The following FTO variants were observed in gnomAD, a reference collection of about 807,000 sequenced individuals.
FTO encodes alpha-ketoglutarate-dependent dioxygenase FTO.
FTO carries 47 observed loss-of-function variants against 63.9 expected under a neutral mutation model. The observed-to-expected ratio is 0.74, with a 90% CI of 0.58 to 0.94. The LOEUF is 0.94. Ranked by LOEUF, FTO falls within the 40% of genes least tolerant of loss-of-function variation. The probability of loss-of-function intolerance (pLI) is 0.00; values close to 1 mark genes in which losing one functional copy is unlikely to be tolerated. For synonymous variants in FTO, 207 were observed against 224.4 expected, an observed-to-expected ratio of 0.92 and a Z score of 0.69; for missense variants, 562 against 618.1, an observed-to-expected ratio of 0.91 and a Z score of 0.96.
At chr16:53,838,058 C>T (rs1211187881) in intron 3 of FTO, among the ~76,000 whole-genome samples, 1 of 152,200 alleles carries the variant, frequency 6.6e-6, no homozygotes, top group Non-Finnish European at 1.5e-5. Flanking sequence ...AATGTGCCTT[C>T]CCTATGTCAC....
intron 7 of FTO, among the ~76,000 whole-genome samples, chr16:53,912,993 C>T (rs1485309155): frequency 2.0e-5 from 3 of 152,178 alleles, no homozygotes; most frequent in Non-Finnish European, 2.9e-5. Context: ...TTCTGTGTGA[C>T]TTATAATTAT....
chr16:54,106,557 ATAAT>A (rs2086756077), intron 8 of FTO, among the ~76,000 whole-genome samples: 2 of 142,330 alleles, frequency 1.4e-5, no homozygotes, highest in South Asian at 4.3e-4. Flanking sequence ...AATATTAGAT[ATAAT>A]TATTCTATAT....
intron 8 of FTO, among the ~76,000 whole-genome samples, chr16:54,014,994 T>C (rs1567517500): frequency 6.6e-6 from 1 of 151,062 alleles, no homozygotes. Context: ...TAGCTAGGAC[T>C]ATAGGTACAC....
intron 1 of FTO, among the ~76,000 whole-genome samples, chr16:53,798,942 G>A (rs2078149534): frequency 6.6e-6 from 1 of 152,120 alleles, no homozygotes; most frequent in Non-Finnish European, 1.5e-5. Flanking sequence ...GTTTATCAGG[G>A]TCATTGTTGG....
At chr16:53,742,827 T>G (rs1409005209) in intron 1 of FTO, among the ~76,000 whole-genome samples, 1 of 152,200 alleles carries the variant, frequency 6.6e-6, no homozygotes, top group Non-Finnish European at 1.5e-5. Context: ...GAAGGAGCGC[T>G]TTCCACTAGT....
intron 8 of FTO, among the ~76,000 whole-genome samples, chr16:53,953,058 G>T (rs1340035362): frequency 6.6e-6 from 1 of 152,198 alleles, no homozygotes; most frequent in African/African-American, 2.4e-5. Context: ...CTCCCCACGG[G>T]CCTAGAGTCA....
At chr16:53,758,038 T>G (rs923879814) in intron 1 of FTO, among the ~76,000 whole-genome samples, 2 of 152,218 alleles carry the variant, frequency 1.3e-5, no homozygotes, top group African/African-American at 2.4e-5. Context: ...TCAAGGACGT[T>G]TTCCTTTTGT....
At chr16:53,739,457 G>T (rs924426877) in intron 1 of FTO, among the ~76,000 whole-genome samples, 1 of 149,190 alleles carries the variant, frequency 6.7e-6, no homozygotes, top group African/African-American at 2.5e-5. Flanking sequence ...CTTGTGATCC[G>T]CCCGCCTTGG....
chr16:54,059,842 G>A (rs183710026), intron 8 of FTO, among the ~76,000 whole-genome samples: 138 of 152,212 alleles, frequency 9.1e-4, no homozygotes, highest in Non-Finnish European at 1.0e-3. Context: ...GTACTAATGA[G>A]CATCGGGCTT....
intron 7 of FTO, among the ~76,000 whole-genome samples, chr16:53,894,339 G>A (rs1343713409): frequency 6.6e-6 from 1 of 152,134 alleles, no homozygotes; most frequent in Non-Finnish European, 1.5e-5. Context: ...ATAGTCATAG[G>A]GAATGACTGA....
intron 8 of FTO, among the ~76,000 whole-genome samples, chr16:54,001,105 C>G (rs1163912254): frequency 6.6e-6 from 1 of 152,160 alleles, no homozygotes; most frequent in African/African-American, 2.4e-5. Context: ...TCTTAAGTCT[C>G]TTTATCAGTT....
rs965880447 is a variant in FTO at position 53,758,548 on chromosome 16, G to A, written c.46-51592G>A. 5.3e-5 allele frequency among the ~76,000 whole-genome samples: 8 copies of A among 152,072 alleles called. No individual in the cohort carries two copies. The East Asian group carries it at 5.8e-4, about 11-fold the overall frequency. The stretch of plus-strand genomic sequence containing the variant: ...AAGACGGCCAGGTTTCCATCATATC[G>A]CTCTGTAGTGAGGCCCACCAGTTGA... On this transcript the variant is annotated intron_variant, in intron 1 of 8. Transcript: ENST00000471389.
At chr16:53,920,574 G>C (rs1341579802) in intron 7 of FTO, among the ~76,000 whole-genome samples, 1 of 152,076 alleles carries the variant, frequency 6.6e-6, no homozygotes, top group Non-Finnish European at 1.5e-5. Context: ...TTTCTCTCAT[G>C]TTCCAAAATG....
chr16:53,735,146 T>C (rs1031057004), intron 1 of FTO, among the ~76,000 whole-genome samples: 1 of 152,258 alleles, frequency 6.6e-6, no homozygotes, highest in African/African-American at 2.4e-5. Context: ...ATGAGATTTT[T>C]ATCTTTTGTT....
intron 8 of FTO, among the ~76,000 whole-genome samples, chr16:54,059,508 G>A (rs2085519597): frequency 6.6e-6 from 1 of 152,092 alleles, no homozygotes; most frequent in African/African-American, 2.4e-5. Context: ...TTGACTTGGA[G>A]GGGTCATGGC....
chr16:53,908,543 C>G (rs918727630), intron 7 of FTO, among the ~76,000 whole-genome samples: 1 of 152,228 alleles, frequency 6.6e-6, no homozygotes, highest in African/African-American at 2.4e-5. Flanking sequence ...CTTTTCCTGT[C>G]AGGAAGGTCT....
chr16:54,032,377 A>C (rs905658537), intron 8 of FTO, among the ~76,000 whole-genome samples: 1 of 152,206 alleles, frequency 6.6e-6, no homozygotes, highest in African/African-American at 2.4e-5. Context: ...AGGCTCCAAA[A>C]CCAATTTGAG....
intron 8 of FTO, among the ~76,000 whole-genome samples, chr16:54,060,969 G>A (rs189864412): frequency 6.6e-6 from 1 of 152,282 alleles, no homozygotes; most frequent in African/African-American, 2.4e-5. Flanking sequence ...TTCATCTCTT[G>A]TTGAAGCATT....
intron 4 of FTO, among the ~76,000 whole-genome samples, chr16:53,862,896 G>T (rs1431271154): frequency 6.6e-6 from 1 of 152,032 alleles, no homozygotes; most frequent in Non-Finnish European, 1.5e-5. Context: ...GGATCTCCAG[G>T]ATCTGTTCCT....
Sources: allele counts gnomAD v4.1 joint callset (sites outside exome capture counted in the v4.1 genomes callset), GRCh38; gene constraint gnomAD v4.1.1; transcripts MANE v1.5; gene names NCBI Gene and HGNC (gene_info 2026-07-23, HGNC 2026-07-21).